Variants in TAF4B observed in about 807,000 individuals in gnomAD.
TAF4B encodes TATA-box binding protein associated factor 4b.
Under a neutral mutation model 86.4 loss-of-function variants are expected in TAF4B, and 38 were observed. That is an observed-to-expected ratio of 0.44 (90% confidence interval 0.34 to 0.58). TAF4B has a LOEUF of 0.58. TAF4B is among the 20% of genes least tolerant of loss of function. The pLI is 0.02. For missense variants in TAF4B, 988 were observed against 1,027.6 expected, an observed-to-expected ratio of 0.96 and a Z score of 0.53; for synonymous variants, 388 against 391.2, an observed-to-expected ratio of 0.99 and a Z score of 0.10.
chr18:26,313,772 C>T (rs2056875076), intron 9 of TAF4B, among the ~76,000 whole-genome samples: 2 of 151,922 alleles, frequency 1.3e-5, no homozygotes, highest in Non-Finnish European at 2.9e-5. Flanking sequence ...CTCAAGTGAT[C>T]CTCCCACCTC....
chr18:26,386,031 C>T (rs564400901), intron 14 of TAF4B, among the ~76,000 whole-genome samples: 38 of 152,156 alleles, frequency 2.5e-4, no homozygotes, highest in Non-Finnish European at 5.3e-4. Flanking sequence ...GAAAGATTGA[C>T]TTTCTAAGTT....
chr18:26,389,953 A>G lies in TAF4B; in HGVS notation c.2530A>G (p.Met844Val), dbSNP rs201773707. ...CTGCCTCAGGGACTTGATATTTTGT[A>G]TGGAACAGGAACGGGAGATGAAGTA... Reference protein sequence around the residue: ...RICLRDLIFCMEQEREMKYSR... With the variant: ...RICLRDLIFCVEQEREMKYSR... Residue 844 changes from methionine (M) to valine (V), a missense_variant, in exon 15 of 15, where the codon ATG becomes GTG. By Grantham distance (21) the Met-to-Val change is conservative. Around this residue, in one of 3 missense-constraint regions of TAF4B, gnomAD observed 216 missense variants for 238.4 expected, o/e 0.91. Transcript: ENST00000269142. 8.7e-6 allele frequency: 14 copies of G among 1,614,122 alleles called. No individual in the cohort carries two copies. The highest frequency in any genetic ancestry group is 4.0e-5 in the African/African-American group (3 of 75,034).
In TAF4B at chr18:26,391,334, G is replaced by A. The variant is rs1978697243; in HGVS notation, c.*1322G>A. 1 of 150,842 alleles carries A rather than the reference G, an allele frequency of 6.6e-6. No individual in the cohort carries two copies. Among genetic ancestry groups the A allele is most frequent in the Non-Finnish European group, 1.5e-5 (1 of 67,850 alleles). 9.3% of individuals were successfully genotyped at this position (150,842 alleles called of 1,614,324 possible). On this transcript the variant is annotated 3_prime_UTR_variant, in exon 15 of 15. Coordinates refer to ENST00000269142, the MANE Select transcript of TAF4B (RefSeq NM_005640.3). ...CCTCCAAGAAGGTATTTCAAAAATG[G>A]GAAATGCTATACTTATAAGAATTGA...
chr18:26,308,671 G>A (rs760496342), intron 9 of TAF4B, among the ~76,000 whole-genome samples: 3 of 151,900 alleles, frequency 2.0e-5, no homozygotes, highest in African/African-American at 4.8e-5. Flanking sequence ...TCTGGAGTTC[G>A]AGATCAGCCT....
Position 26,227,089 on chromosome 18 carries a change from C to T in TAF4B, c.156C>T (p.Val52=). The T allele has an allele frequency of 6.2e-7, 1 of 1,609,728 alleles. No individual in the cohort carries two copies. Among genetic ancestry groups the T allele is most frequent in the Non-Finnish European group, 8.5e-7 (1 of 1,178,704 alleles). ...CCGTGACTAAGGCTCCTGTCAGCGT[C>T]TGCGTGGAGCCCACGGCGTCCCAGC... ...LGAVTKAPVS[V]CVEPTASQPL... The change falls in exon 1 of 15, where the codon GTC becomes GTT. Residue 52 remains valine (V), a synonymous_variant. Coordinates refer to ENST00000269142, the MANE Select transcript of TAF4B (RefSeq NM_005640.3).
chr18:26,280,478 T>C (rs888561894), intron 5 of TAF4B, among the ~76,000 whole-genome samples: 6 of 151,858 alleles, frequency 4.0e-5, no homozygotes, highest in African/African-American at 1.5e-4. Flanking sequence ...AAAAACCCCA[T>C]TAAAAAATAG....
At chr18:26,343,582 A>G (rs373288700) in intron 13 of TAF4B, among the ~76,000 whole-genome samples, 21 of 152,248 alleles carry the variant, frequency 1.4e-4, no homozygotes, top group East Asian at 7.7e-4. Flanking sequence ...AAACAAAGGT[A>G]TTAACATTCT....
intron 9 of TAF4B, among the ~76,000 whole-genome samples, chr18:26,306,898 C>T (rs1159461446): frequency 2.0e-5 from 3 of 152,110 alleles, no homozygotes; most frequent in Non-Finnish European, 4.4e-5. Context: ...CTGCCTCAGC[C>T]TCCTGAGTAG....
In TAF4B at chr18:26,265,262, T is replaced by G; in HGVS notation, c.436T>G (p.Ser146Ala). The G allele has an allele frequency of 6.2e-7, 1 of 1,614,138 alleles. No homozygotes were observed. The highest frequency in any genetic ancestry group is 8.5e-7 in the Non-Finnish European group (1 of 1,180,034). The change falls in exon 2 of 15, where the codon TCA becomes GCA. Residue 146 changes from serine (S) to alanine (A), a missense_variant. Ser to Ala is a moderately conservative substitution (Grantham distance 99). Around this residue, in one of 3 missense-constraint regions of TAF4B, gnomAD observed 747 missense variants for 737.9 expected, o/e 1.01. Transcript: ENST00000269142. ...AGCCGAGACCACAAGTAACATAACC[T>G]CAAGGCCAGCAGTACCAGCGAATCC... ...TRAETTSNIT[S>A]RPAVPANPQT...
At chr18:26,281,459 G>A (rs1436683141) in intron 5 of TAF4B, among the ~76,000 whole-genome samples, 2 of 152,100 alleles carry the variant, frequency 1.3e-5, no homozygotes, top group Non-Finnish European at 2.9e-5. Flanking sequence ...AATTCAATCA[G>A]CTACATCTTA....
chr18:26,320,275 G>T (rs2056951092), intron 10 of TAF4B, among the ~76,000 whole-genome samples: 1 of 152,162 alleles, frequency 6.6e-6, no homozygotes, highest in Non-Finnish European at 1.5e-5. Flanking sequence ...TGTATCTTTA[G>T]ATTTAAGCCT....
intron 1 of TAF4B, among the ~76,000 whole-genome samples, chr18:26,262,003 T>C (rs1228740559): frequency 6.6e-6 from 1 of 152,158 alleles, no homozygotes; most frequent in Non-Finnish European, 1.5e-5. Context: ...TACTCAGGTC[T>C]TTTCTGCTCA....
intron 1 of TAF4B, among the ~76,000 whole-genome samples, chr18:26,251,154 T>C (rs2144498963): frequency 6.6e-6 from 1 of 152,218 alleles, no homozygotes; most frequent in African/African-American, 2.4e-5. Context: ...TACCCTCACA[T>C]CTCTGGATAT....
At chr18:26,233,403 C>T (rs1015390115) in intron 1 of TAF4B, among the ~76,000 whole-genome samples, 4 of 152,064 alleles carry the variant, frequency 2.6e-5, no homozygotes, top group African/African-American at 4.8e-5. Context: ...GTATGTTTGC[C>T]ATGACAAAAC....
chr18:26,259,092 A>C (rs2056503351), intron 1 of TAF4B, among the ~76,000 whole-genome samples: 1 of 151,230 alleles, frequency 6.6e-6, no homozygotes, highest in Admixed American at 6.6e-5. Context: ...CGTTTAGCTT[A>C]CTTGGGGTTT....
At chr18:26,319,679 T>A (rs1163479156) in intron 10 of TAF4B, among the ~76,000 whole-genome samples, 3 of 152,096 alleles carry the variant, frequency 2.0e-5, no homozygotes, top group Non-Finnish European at 4.4e-5. Context: ...AATTTCCGCC[T>A]CCCAGGTACA....
At chr18:26,227,513 G>A (rs368698395) in intron 1 of TAF4B, among the ~76,000 whole-genome samples, 1 of 152,218 alleles carries the variant, frequency 6.6e-6, no homozygotes, top group African/African-American at 2.4e-5. Flanking sequence ...ATTCGGGGGG[G>A]CTTTCAGGCA....
intron 14 of TAF4B, among the ~76,000 whole-genome samples, chr18:26,386,632 T>C (rs12962768): frequency 0.22 from 33,548 of 152,156 alleles, 4,353 homozygotes; most frequent in Non-Finnish European, 0.3. Context: ...TTGCCTGTTC[T>C]GGGACTTGGT....
rs1260852375 is a variant in TAF4B at position 26,293,369 on chromosome 18, C to T, written c.1727-57C>T. On this transcript the variant is annotated intron_variant, in intron 8 of 14. Coordinates refer to ENST00000269142, the MANE Select transcript of TAF4B (RefSeq NM_005640.3). The stretch of plus-strand genomic sequence containing the variant: ...AAAAAACGGTTGTCCTGGATTTTTC[C>T]TAATGTGGTGTGATTGCTTTTTTTG... 5 of 1,232,800 alleles carry T rather than the reference C, an allele frequency of 4.1e-6. No homozygotes were observed. In the Admixed American group the frequency reaches 9.4e-5, roughly 23 times the overall value. 76.4% of individuals were successfully genotyped at this position (1,232,800 alleles called of 1,614,324 possible).
Sources: gnomAD v4.1 joint callset for allele counts (sites outside exome capture counted in the v4.1 genomes callset) on GRCh38, gnomAD v4.1.1 for gene constraint, gnomAD v4.1.1 regional missense constraint, MANE v1.5 for transcripts, NCBI Gene and HGNC (gene_info 2026-07-23, HGNC 2026-07-21) for gene names.